SPOCK3: variants seen among roughly 807,000 people sequenced by gnomAD.
SPOCK3 encodes the protein testican-3.
A neutral mutation model predicts 56.6 loss-of-function variants in SPOCK3; 30 were observed. The ratio of observed to expected loss-of-function variants is 0.53; its 90% CI spans 0.40 to 0.72. The LOEUF (loss-of-function observed/expected upper bound fraction) is 0.72, where lower values mean the gene tolerates loss of function less well. Ranked by LOEUF, SPOCK3 falls within the 30% of genes least tolerant of loss-of-function variation. SPOCK3 has a pLI of 0.00. For missense variants in SPOCK3, 527 were observed against 530.0 expected (o/e 0.99, Z 0.06); for synonymous variants, 196 against 183.3 (o/e 1.07, Z -0.56).
At chr4:167,189,997 C>A (rs1169356911) in intron 2 of SPOCK3, among the ~76,000 whole-genome samples, 1 of 145,648 alleles carries the variant, frequency 6.9e-6, no homozygotes, top group South Asian at 2.1e-4. Flanking sequence ...TTCCATTGTA[C>A]ATATATATCA....
At chr4:166,895,370 G>T (rs80321292) in intron 5 of SPOCK3, among the ~76,000 whole-genome samples, 1 of 151,784 alleles carries the variant, frequency 6.6e-6, no homozygotes, top group Non-Finnish European at 1.5e-5. Flanking sequence ...CATTTCAGAA[G>T]AAATTAACTA....
At position 166,756,126 on chromosome 4, in the gene SPOCK3, G is replaced by A. The variant is rs1259695544; in HGVS notation, c.710-1397C>T. ...TTTCCGAGTCAAAGAAAGGGGTGAC[G>A]GTCGCACCTGGAAAATCAGGTCACT... On this transcript the variant is annotated intron_variant, in intron 7 of 10. Coordinates refer to ENST00000357545, the MANE Select transcript of SPOCK3 (RefSeq NM_001040159.2). Among the ~76,000 whole-genome samples the A allele has an allele frequency of 8.8e-5, 3 of 34,264 alleles. 1 individual carries two copies. Among genetic ancestry groups the A allele is most frequent in the African/African-American group, 3.7e-4 (3 of 8,206 alleles). The allele number at this position is 34,264 out of a possible 152,430, so 22.5% of individuals were successfully genotyped here. A position where few individuals can be genotyped will look rare whatever the true frequency, so the allele number is the denominator to read the frequency against.
intron 2 of SPOCK3, among the ~76,000 whole-genome samples, chr4:167,152,969 C>T (rs1764539076): frequency 2.6e-5 from 4 of 152,036 alleles, no homozygotes; most frequent in Admixed American, 2.6e-4. Context: ...TTAACAATTA[C>T]CCAATGTAAA....
chr4:167,069,575 T>A (rs1279777461), intron 2 of SPOCK3, among the ~76,000 whole-genome samples: 1 of 151,728 alleles, frequency 6.6e-6, no homozygotes, highest in Non-Finnish European at 1.5e-5. Context: ...CTCCAGGCCA[T>A]ACAATTAGTC....
At chr4:167,184,691 A>T (rs1020984007) in intron 2 of SPOCK3, among the ~76,000 whole-genome samples, 8 of 152,116 alleles carry the variant, frequency 5.3e-5, no homozygotes, top group Non-Finnish European at 1.2e-4. Flanking sequence ...AAAATAAAAC[A>T]CTTATCACCA....
intron 2 of SPOCK3, among the ~76,000 whole-genome samples, chr4:167,133,162 TAGAC>T (rs1561251452): frequency 6.6e-6 from 1 of 152,156 alleles, no homozygotes; most frequent in African/African-American, 2.4e-5. Context: ...GATCTTGAGA[TAGAC>T]AGAGTATTTG....
At chr4:167,176,288 G>A (rs1328518317) in intron 2 of SPOCK3, among the ~76,000 whole-genome samples, 1 of 152,096 alleles carries the variant, frequency 6.6e-6, no homozygotes, top group Non-Finnish European at 1.5e-5. Flanking sequence ...GCAGATTACA[G>A]GGATCAGGGC....
intron 2 of SPOCK3, among the ~76,000 whole-genome samples, chr4:167,080,238 G>A (rs1292923492): frequency 6.6e-6 from 1 of 152,010 alleles, no homozygotes; most frequent in Non-Finnish European, 1.5e-5. Flanking sequence ...CATCAGTATT[G>A]TCTGACTTAT....
Position 166,825,493 on chromosome 4 carries a change from C to G in SPOCK3, c.590-33204G>C, listed in dbSNP as rs78664204. On this transcript the variant is annotated intron_variant, in intron 6 of 10. Transcript: ENST00000357545. ...AACAGTACAGAGATTCCTTAAAGAA[C>G]TAAAAGTAAAACTACCAGTCAATCT... Among the ~76,000 whole-genome samples the G allele has an allele frequency of 7.6e-3, 1,160 of 152,132 alleles. 8 individuals carry two copies. The highest frequency in any genetic ancestry group is 0.024 in the Middle Eastern group (7 of 294).
At chr4:166,900,201 GTTTAGCTCT>G (rs1735888607) in intron 5 of SPOCK3, among the ~76,000 whole-genome samples, 1 of 152,154 alleles carries the variant, frequency 6.6e-6, no homozygotes, top group African/African-American at 2.4e-5. Flanking sequence ...TGTGTCATAT[GTTTAGCTCT>G]TTGGGCTATT....
At chr4:167,147,298 A>T (rs1764042629) in intron 2 of SPOCK3, among the ~76,000 whole-genome samples, 1 of 152,116 alleles carries the variant, frequency 6.6e-6, no homozygotes, top group East Asian at 1.9e-4. Context: ...CAAGTTCTGA[A>T]ATTGAGGCAG....
At chr4:166,843,641 C>T (rs7656148) in intron 6 of SPOCK3, among the ~76,000 whole-genome samples, 5,849 of 152,260 alleles carry the variant, frequency 0.038, 378 homozygotes, top group African/African-American at 0.13. Flanking sequence ...CTAGCCCTGG[C>T]CCATGCTTGA....
At chr4:167,065,110 G>C (rs1473399545) in intron 2 of SPOCK3, among the ~76,000 whole-genome samples, 1 of 142,078 alleles carries the variant, frequency 7.0e-6, no homozygotes, top group Non-Finnish European at 1.5e-5. Flanking sequence ...TATAGTAAAT[G>C]CAAGAAGAAA....
chr4:166,746,229 A>G (rs1735595714), intron 8 of SPOCK3, among the ~76,000 whole-genome samples: 1 of 152,222 alleles, frequency 6.6e-6, no homozygotes, highest in African/African-American at 2.4e-5. Flanking sequence ...TTCACCACTT[A>G]GTTGGAAGTA....
intron 2 of SPOCK3, among the ~76,000 whole-genome samples, chr4:167,063,581 T>TATC (rs1371379070): frequency 6.6e-6 from 1 of 151,920 alleles, no homozygotes; most frequent in Non-Finnish European, 1.5e-5. Context: ...GCTACATGAA[T>TATC]ATCACATAGT....
At chr4:167,020,506 C>A (rs994146598) in intron 3 of SPOCK3, among the ~76,000 whole-genome samples, 1 of 151,968 alleles carries the variant, frequency 6.6e-6, no homozygotes, top group African/African-American at 2.4e-5. Flanking sequence ...TGAACTAAGG[C>A]TCTTATGTAA....
chr4:166,754,184 T>A (rs908676468), intron 8 of SPOCK3: 1 of 1,038,050 alleles, frequency 9.6e-7, no homozygotes, highest in Admixed American at 5.3e-5. Flanking sequence ...GCAAAGCAGA[T>A]AGCAAATTAA....
rs78661796 is a variant in SPOCK3 at position 166,845,149 on chromosome 4, A to G, written c.589+43981T>C. 2.6e-3 allele frequency among the ~76,000 whole-genome samples: 395 copies of G among 152,366 alleles called. 10 individuals are homozygous for G. In the East Asian group the frequency reaches 0.06, roughly 23 times the overall value. On this transcript the variant is annotated intron_variant, in intron 6 of 10. Coordinates refer to ENST00000357545, the MANE Select transcript of SPOCK3 (RefSeq NM_001040159.2). ...ATTATTCAGTAATATTGTACATTAA[A>G]TAATTTATGAATCTTTGTGATATCA...
chr4:167,032,218 G>T (rs1212145256), intron 3 of SPOCK3, among the ~76,000 whole-genome samples: 2 of 151,816 alleles, frequency 1.3e-5, no homozygotes, highest in Admixed American at 1.3e-4. Flanking sequence ...CAAAGACAAA[G>T]AAAGTTTTCC....
Sources: gnomAD v4.1 joint callset for allele counts (sites outside exome capture counted in the v4.1 genomes callset) on GRCh38, gnomAD v4.1.1 for gene constraint, MANE v1.5 for transcripts, NCBI Gene and HGNC (gene_info 2026-07-23, HGNC 2026-07-21) for gene names.